The following WDR3 variants were observed in gnomAD, a reference collection of about 807,000 sequenced individuals.
WDR3 encodes WD repeat domain 3.
In WDR3, 81 loss-of-function variants were observed where a neutral mutation model predicts 123.7. The ratio of observed to expected loss-of-function variants is 0.65; its 90% CI spans 0.55 to 0.79. The LOEUF (loss-of-function observed/expected upper bound fraction) is 0.79, where lower values mean the gene tolerates loss of function less well. Ranked by LOEUF, WDR3 falls within the 30% of genes least tolerant of loss-of-function variation. WDR3 has a pLI of 0.00. For missense variants in WDR3, 1,027 were observed against 1,123.2 expected, an observed-to-expected ratio of 0.91 and a Z score of 1.22; for synonymous variants, 390 against 388.8, an observed-to-expected ratio of 1.00 and a Z score of -0.04.
At chr1:117,955,446 A>C in intron 24 of WDR3, 88 bp downstream of exon 24, 1 of 1,245,880 alleles carries the variant, frequency 8.0e-7, no homozygotes, top group South Asian at 1.3e-5. Flanking sequence ...TAGAAATTAT[A>C]ATTGATGGTT....
chr1:117,949,715 A>C (rs759983905), intron 13 of WDR3, 36 bp from the exon 14 acceptor site: 56 of 1,604,754 alleles, frequency 3.5e-5, no homozygotes, highest in Non-Finnish European at 4.6e-5. Context: ...TTTTATGCTA[A>C]AATAGTTTTT....
intron 19 of WDR3, 94 bp downstream of exon 19, chr1:117,952,756 C>A: frequency 6.7e-7 from 1 of 1,502,160 alleles, no homozygotes; most frequent in East Asian, 2.3e-5. Flanking sequence ...ACACCTGATG[C>A]ATTGCCAAGT....
rs202055144 is a variant in WDR3, at chr1:117,940,780, C to T, written c.676-47C>T. ...AACAACAACAACAACAACATGCCTC[C>T]TGGAACATACTATTTCAGCTTTTAT... On this transcript the variant is annotated intron_variant, in intron 6 of 26. Transcript: ENST00000349139. 8 of 1,507,814 alleles carry T rather than the reference C, an allele frequency of 5.3e-6. No homozygotes were observed. The African/African-American group carries it at 9.8e-5, about 18-fold the overall frequency. 93.4% of individuals were successfully genotyped at this position (1,507,814 alleles called of 1,614,324 possible).
chr1:117,955,941 A>C (rs1652136697), intron 24 of WDR3, among the ~76,000 whole-genome samples: 1 of 152,202 alleles, frequency 6.6e-6, no homozygotes, highest in South Asian at 2.1e-4. Flanking sequence ...ATAACTGACC[A>C]GTAGGCATAA....
intron 11 of WDR3, among the ~76,000 whole-genome samples, chr1:117,945,448 A>G (rs890568588): frequency 6.6e-6 from 1 of 152,182 alleles, no homozygotes; most frequent in African/African-American, 2.4e-5. Context: ...TCTGTGTCTT[A>G]TCAGATGACA....
In WDR3 at chr1:117,959,684, A is replaced by G. The variant is rs1208048367; in HGVS notation, c.*237A>G. 1 of 341,350 alleles carries G rather than the reference A, an allele frequency of 2.9e-6. No individual in the cohort carries two copies. The highest frequency in any genetic ancestry group is 5.2e-6 in the Non-Finnish European group (1 of 191,792). 21.1% of individuals were successfully genotyped at this position (341,350 alleles called of 1,614,324 possible). A position where few individuals can be genotyped will look rare whatever the true frequency, so the allele number is the denominator to read the frequency against. Reference sequence around the variant, plus strand: ...GTTTAAAAATCTTTCTGTGCTCTCAAAGCTTGAGCCTTGCAGCTCAAGCTT... The same window carrying G: ...GTTTAAAAATCTTTCTGTGCTCTCAGAGCTTGAGCCTTGCAGCTCAAGCTT... On this transcript the variant is annotated 3_prime_UTR_variant, in exon 27 of 27. Transcript: ENST00000349139.
At position 117,953,901 on chromosome 1, in the gene WDR3, T is replaced by C. The variant is rs1571024732; in HGVS notation, c.2269-106T>C. The C allele has an allele frequency of 5.6e-6, 5 of 894,496 alleles. No individual in the cohort carries two copies. The East Asian group carries it at 1.2e-4, about 22-fold the overall frequency. The allele number at this position is 894,496 out of a possible 1,614,324, so 55.4% of individuals were successfully genotyped here. A position where few individuals can be genotyped will look rare whatever the true frequency, so the allele number is the denominator to read the frequency against. Reference sequence around the variant, plus strand: ...TATTCGCACGTCTTTATTAAACAGATTGAAGCTATTTCATTTGGCAAATTT... The same window carrying C: ...TATTCGCACGTCTTTATTAAACAGACTGAAGCTATTTCATTTGGCAAATTT... On this transcript the variant is annotated intron_variant, in intron 21 of 26. Coordinates refer to ENST00000349139, the MANE Select transcript of WDR3 (RefSeq NM_006784.3).
At chr1:117,942,329 C>G (rs940249825) in intron 9 of WDR3, 108 bp from the exon 10 acceptor site, 7 of 866,600 alleles carry the variant, frequency 8.1e-6, no homozygotes, top group Non-Finnish European at 1.3e-5. Context: ...AGTGACTTTT[C>G]CAGAATAACA....
chr1:117,938,511 C>T lies in WDR3; in HGVS notation c.532C>T (p.Leu178Phe), dbSNP rs754604700. 1.2e-6 allele frequency: 2 copies of T among 1,613,264 alleles called. No individual in the cohort carries two copies. Among genetic ancestry groups the T allele is most frequent in the Admixed American group, 3.3e-5 (2 of 60,004 alleles). ...GKDTMVKWWD[L>F]DTQHCFKTMV... Reference sequence around the variant, plus strand: ...AGATACCATGGTGAAATGGTGGGACCTTGATACTCAGCACTGCTTTAAAAC... The same window carrying T: ...AGATACCATGGTGAAATGGTGGGACTTTGATACTCAGCACTGCTTTAAAAC... Residue 178 changes from leucine (L) to phenylalanine (F), a missense_variant, in exon 5 of 27, where the codon CTT becomes TTT. Physicochemically the swap from Leu to Phe is conservative, Grantham distance 22. Transcript: ENST00000349139.
rs770337832 is a variant in WDR3, at chr1:117,941,741, C to T, written c.892-9C>T. On this transcript the variant is annotated splice_polypyrimidine_tract_variant and intron_variant, in intron 8 of 26. Coordinates refer to ENST00000349139, the MANE Select transcript of WDR3 (RefSeq NM_006784.3). ...CTCCTTGACTCACATTAACCTTTTGCCTTTCTAGGGAACTGACTCTGTGCT... is the reference window on the plus strand; with the variant it reads ...CTCCTTGACTCACATTAACCTTTTGTCTTTCTAGGGAACTGACTCTGTGCT... The T allele has an allele frequency of 1.2e-6, 2 of 1,606,030 alleles. No individual in the cohort carries two copies. Among genetic ancestry groups the T allele is most frequent in the Admixed American group, 1.7e-5 (1 of 57,656 alleles).
chr1:117,939,355 C>A, intron 5 of WDR3, 122 bp from the exon 6 acceptor site: 2 of 1,009,474 alleles, frequency 2.0e-6, no homozygotes, highest in Non-Finnish European at 3.0e-6. Flanking sequence ...GTCGATATGC[C>A]TTTTCTTTGC....
chr1:117,952,468 A>T, intron 18 of WDR3, 60 bp downstream of exon 18: 1 of 1,599,102 alleles, frequency 6.3e-7, no homozygotes, highest in Non-Finnish European at 8.5e-7. Context: ...GAATATTTAC[A>T]TTACCCACTA....
rs1245100526 is a variant in WDR3 at position 117,960,576 on chromosome 1, A to G, written c.*1129A>G. 4 of 152,244 alleles carry G rather than the reference A, an allele frequency of 2.6e-5. No homozygotes were observed. The highest frequency in any genetic ancestry group is 5.9e-5 in the Non-Finnish European group (4 of 68,062). The allele number at this position is 152,244 out of a possible 1,614,324, so 9.4% of individuals were successfully genotyped here. On this transcript the variant is annotated 3_prime_UTR_variant, in exon 27 of 27. Transcript: ENST00000349139. ...CTCTGCTTTTTGGGAGCACTGTGATATGCAGTTTACTGGGGCGATGAGTTG... is the reference window on the plus strand; with the variant it reads ...CTCTGCTTTTTGGGAGCACTGTGATGTGCAGTTTACTGGGGCGATGAGTTG...
At chr1:117,943,055 C>T (rs1216778175) in intron 10 of WDR3, among the ~76,000 whole-genome samples, 4 of 151,918 alleles carry the variant, frequency 2.6e-5, no homozygotes, top group South Asian at 4.1e-4. Flanking sequence ...CAGGTTCAAG[C>T]GATTCTCCTG....
intron 25 of WDR3, among the ~76,000 whole-genome samples, chr1:117,957,784 A>G (rs1329352580): frequency 6.6e-6 from 1 of 152,198 alleles, no homozygotes; most frequent in Non-Finnish European, 1.5e-5. Flanking sequence ...GGGGAGCCAA[A>G]AGGATGGACA....
intron 21 of WDR3, 95 bp downstream of exon 21, chr1:117,953,636 T>C: frequency 7.6e-7 from 1 of 1,310,362 alleles, no homozygotes; most frequent in African/African-American, 1.5e-5. Context: ...GCCATTTTTT[T>C]GGCAAAAAGT....
chr1:117,942,094 G>A (rs1651191981), intron 9 of WDR3, among the ~76,000 whole-genome samples: 1 of 152,154 alleles, frequency 6.6e-6, no homozygotes. Flanking sequence ...GCAGGTTAAT[G>A]AGTTTTCTAA....
At chr1:117,943,039 A>G (rs1321714958) in intron 10 of WDR3, among the ~76,000 whole-genome samples, 1 of 151,714 alleles carries the variant, frequency 6.6e-6, no homozygotes, top group African/African-American at 2.4e-5. Context: ...TGCAACCTCC[A>G]TCTCTCAGGT....
At chr1:117,953,034 AT>A (rs1160021488) in intron 20 of WDR3, 38 bp downstream of exon 20, 1 of 1,600,490 alleles carries the variant, frequency 6.2e-7, no homozygotes, top group East Asian at 2.2e-5. Flanking sequence ...TATGCCCCAT[AT>A]ATAGTTATCT....
Sources: allele counts gnomAD v4.1 joint callset (sites outside exome capture counted in the v4.1 genomes callset), GRCh38; gene constraint gnomAD v4.1.1; transcripts MANE v1.5; gene names NCBI Gene and HGNC (gene_info 2026-07-23, HGNC 2026-07-21).